ACOT11: variants seen among roughly 807,000 people sequenced by gnomAD.
The protein encoded by ACOT11 is acyl-CoA thioesterase 11.
ACOT11 carries 69 observed loss-of-function variants against 77.5 expected under a neutral mutation model. The observed-to-expected ratio is 0.89, with a 90% CI of 0.73 to 1.09. ACOT11 has a LOEUF of 1.09. Ranked by LOEUF, ACOT11 falls within the 50% of genes least tolerant of loss-of-function variation. The pLI is 0.00. For synonymous variants in ACOT11, 279 were observed against 313.0 expected (o/e 0.89, Z 1.15); for missense variants, 766 against 813.7 (o/e 0.94, Z 0.71).
At chr1:54,602,589 C>A in intron 9 of ACOT11, 80 bp from the exon 10 acceptor site, 1 of 1,332,124 alleles carries the variant, frequency 7.5e-7, no homozygotes, top group Non-Finnish European at 9.8e-7. Context: ...GCTGCAGGAA[C>A]TCCTTGGGCC....
chr1:54,638,156 T>C (rs1644341419), exon 17 of ACOT11: 1 of 151,404 alleles, frequency 6.6e-6, no homozygotes, highest in Non-Finnish European at 1.5e-5. Flanking sequence ...CCAGAAAAAA[T>C]AGATTTGGGC....
chr1:54,589,144 G>A (rs1185285017), intron 3 of ACOT11, among the ~76,000 whole-genome samples: 1 of 152,038 alleles, frequency 6.6e-6, no homozygotes, highest in Non-Finnish European at 1.5e-5. Context: ...AACCTCCCGA[G>A]TAGGTGGGAT....
chr1:54,623,257 G>A (rs1166305036), intron 15 of ACOT11: 7 of 1,561,688 alleles, frequency 4.5e-6, no homozygotes, highest in Non-Finnish European at 6.2e-6. Context: ...CACTCAGGAT[G>A]ACATGGGGGG....
At chr1:54,621,537 C>T (rs986201558) in intron 15 of ACOT11, 3 of 152,138 alleles carry the variant, frequency 2.0e-5, no homozygotes, top group African/African-American at 7.2e-5. Context: ...TGAATGGCCT[C>T]GAACTTTAGC....
intron 15 of ACOT11, among the ~76,000 whole-genome samples, chr1:54,624,052 G>T (rs1046106339): frequency 2.0e-5 from 3 of 152,156 alleles, no homozygotes; most frequent in Admixed American, 1.3e-4. Flanking sequence ...ACTGCAGGCC[G>T]GTTCTGGGGC....
At chr1:54,575,500 C>T (rs1654079158) in intron 1 of ACOT11, among the ~76,000 whole-genome samples, 1 of 152,106 alleles carries the variant, frequency 6.6e-6, no homozygotes, top group Non-Finnish European at 1.5e-5. Flanking sequence ...AGCGGAGAAC[C>T]TTGTCTGACC....
At chr1:54,569,304 T>C (rs1359929748) in intron 1 of ACOT11, among the ~76,000 whole-genome samples, 1 of 152,068 alleles carries the variant, frequency 6.6e-6, no homozygotes, top group Non-Finnish European at 1.5e-5. Context: ...CCAGCTAGAA[T>C]CGGCCCCTTC....
chr1:54,635,181 T>C lies in ACOT11; in HGVS notation c.*452T>C, dbSNP rs560827399. 3 of 233,242 alleles carry C rather than the reference T, an allele frequency of 1.3e-5. No individual in the cohort carries two copies. The South Asian group carries it at 1.7e-4, about 13-fold the overall frequency. The allele number at this position is 233,242 out of a possible 1,614,324, so 14.4% of individuals were successfully genotyped here. A position where few individuals can be genotyped will look rare whatever the true frequency, so the allele number is the denominator to read the frequency against. ...GAACGTACTTATTTAGGAAGATTGC[T>C]TTGCAGAATAGGCAGAGATGCTGCA... On this transcript the variant is annotated 3_prime_UTR_variant, in exon 17 of 17. Coordinates refer to the ACOT11 transcript ENST00000371316.
intron 5 of ACOT11, among the ~76,000 whole-genome samples, chr1:54,594,303 C>T (rs571463689): frequency 9.1e-4 from 139 of 152,326 alleles, no homozygotes; most frequent in Middle Eastern, 6.8e-3. Context: ...CATTCTGTCA[C>T]CTACAGTGAC....
At chr1:54,587,283 C>T (rs780363814) in intron 3 of ACOT11, among the ~76,000 whole-genome samples, 4 of 152,052 alleles carry the variant, frequency 2.6e-5, no homozygotes, top group East Asian at 2.0e-4. Context: ...GGGGGGCCTA[C>T]GCGGGTGGAT....
At chr1:54,554,200 A>G (rs1653169331) in intron 1 of ACOT11, among the ~76,000 whole-genome samples, 1 of 151,326 alleles carries the variant, frequency 6.6e-6, no homozygotes, top group Admixed American at 6.6e-5. Context: ...AAACAAAAAA[A>G]AAAACTCCAC....
chr1:54,595,581 T>G (rs4927139), intron 6 of ACOT11, among the ~76,000 whole-genome samples: 14,323 of 152,196 alleles, frequency 0.094, 1,181 homozygotes, highest in South Asian at 0.23. Context: ...TCCCTGTATA[T>G]CTAAGCATAG....
rs373053743 is a variant in ACOT11 at position 54,605,139 on chromosome 1, G to A, written c.1300G>A (p.Val434Met). Residue 434 changes from valine (V) to methionine (M), a missense_variant, in exon 13 of 16, where the codon GTG becomes ATG. Transcript: ENST00000343744. Reference sequence around the variant, plus strand: ...CTTCCACATGGAGATGGTGGTGCATGTGGATGCAGCCCAGGCCTTCCTGCT... The same window carrying A: ...CTTCCACATGGAGATGGTGGTGCATATGGATGCAGCCCAGGCCTTCCTGCT... ...LSFHMEMVVHVDAAQAFLLLS... is the reference protein window; with the variant it reads ...LSFHMEMVVHMDAAQAFLLLS... The A allele has an allele frequency of 2.5e-6, 4 of 1,613,902 alleles. No individual in the cohort carries two copies. Among genetic ancestry groups the A allele is most frequent in the Non-Finnish European group, 3.4e-6 (4 of 1,180,038 alleles).
chr1:54,604,394 A>G lies in ACOT11; in HGVS notation c.1201A>G (p.Lys401Glu). Residue 401 changes from lysine to glutamate, a missense_variant, in exon 12 of 16, where the codon AAG (lysine) becomes GAG (glutamate). Physicochemically the swap from Lys to Glu is moderately conservative, Grantham distance 56. Coordinates refer to ENST00000343744, the MANE Select transcript of ACOT11 (RefSeq NM_147161.4). ...NVSSLKMLVA[K>E]DNWVLSSEIS... ...CTCCTCCTTGAAGATGCTTGTGGCCAAGGACAACTGGGTGCTGTCCTCGGA... is the reference window on the plus strand; with the variant it reads ...CTCCTCCTTGAAGATGCTTGTGGCCGAGGACAACTGGGTGCTGTCCTCGGA... 1.2e-6 allele frequency: 2 copies of G among 1,614,030 alleles called. No individual in the cohort carries two copies. The highest frequency in any genetic ancestry group is 2.2e-5 in the East Asian group (1 of 44,866).
chr1:54,614,792 T>C (rs137985840), downstream of ACOT11: 183 of 1,614,042 alleles, frequency 1.1e-4, no homozygotes, highest in Admixed American at 3.8e-4. Flanking sequence ...TGCCTTCCTC[T>C]GTCAGCTGCC....
At chr1:54,562,517 A>C (rs1254027215) in intron 1 of ACOT11, among the ~76,000 whole-genome samples, 1 of 71,140 alleles carries the variant, frequency 1.4e-5, no homozygotes, top group East Asian at 3.9e-4. Context: ...TCCCTCCCGG[A>C]TGGGGCGGCT....
At chr1:54,577,813 A>G (rs1654168401) in intron 1 of ACOT11, among the ~76,000 whole-genome samples, 1 of 152,248 alleles carries the variant, frequency 6.6e-6, no homozygotes, top group African/African-American at 2.4e-5. Flanking sequence ...TCCTGGCAGC[A>G]GGCCCAGGCC....
intron 15 of ACOT11, chr1:54,623,236 A>G (rs1644248340): frequency 1.5e-6 from 2 of 1,365,012 alleles, no homozygotes; most frequent in East Asian, 4.6e-5. Context: ...GGAGCGAGCG[A>G]TGAGGGAAGC....
At chr1:54,632,233 C>T (rs1229736432) in intron 16 of ACOT11, among the ~76,000 whole-genome samples, 4 of 152,216 alleles carry the variant, frequency 2.6e-5, no homozygotes, top group Non-Finnish European at 4.4e-5. Context: ...GTCCCGGGCC[C>T]CGCTCTAAAC....
Sources: allele counts gnomAD v4.1 joint callset (sites outside exome capture counted in the v4.1 genomes callset), GRCh38; gene constraint gnomAD v4.1.1; transcripts MANE v1.5; gene names NCBI Gene and HGNC (gene_info 2026-07-23, HGNC 2026-07-21).